The following CTNNA3 variants were observed in gnomAD, a reference collection of about 807,000 sequenced individuals.
CTNNA3 encodes catenin alpha 3, also known as catenin alpha-3.
Under a neutral mutation model 95.7 loss-of-function variants are expected in CTNNA3, and 76 were observed. The ratio of observed to expected loss-of-function variants is 0.79; its 90% CI spans 0.66 to 0.96. CTNNA3 has a LOEUF of 0.96. Ranked by LOEUF, CTNNA3 falls within the 40% of genes least tolerant of loss-of-function variation. The pLI is 0.00. For missense variants in CTNNA3, 1,191 were observed against 1,089.8 expected (o/e 1.09, Z -1.31); for synonymous variants, 431 against 374.4 (o/e 1.15, Z -1.74).
chr10:67,452,158 C>G lies in CTNNA3; in HGVS notation c.579+69684G>C, dbSNP rs145868349. ...AAGCAACACTTTAAAGCATCCAAAGCAAATACAAATTCCAGGGCGTTGTTA... is the reference window on the plus strand; with the variant it reads ...AAGCAACACTTTAAAGCATCCAAAGGAAATACAAATTCCAGGGCGTTGTTA... On this transcript the variant is annotated intron_variant, in intron 5 of 17. Coordinates refer to ENST00000433211, the MANE Select transcript of CTNNA3 (RefSeq NM_013266.4). Among the ~76,000 whole-genome samples, 760 of 151,854 alleles carry G rather than the reference C, an allele frequency of 5.0e-3. 10 individuals are homozygous for G. The highest frequency in any genetic ancestry group is 0.017 in the African/African-American group (720 of 41,428).
intron 7 of CTNNA3, among the ~76,000 whole-genome samples, chr10:66,788,300 C>T (rs1357270398): frequency 1.6e-4 from 25 of 152,122 alleles, no homozygotes; most frequent in Admixed American, 1.4e-3. Flanking sequence ...AACTAAGCCT[C>T]TCTGAGCAGG....
intron 11 of CTNNA3, among the ~76,000 whole-genome samples, chr10:66,456,981 C>A (rs7086879): frequency 0.26 from 40,189 of 151,742 alleles, 5,485 homozygotes; most frequent in South Asian, 0.39. Flanking sequence ...GTAGTCCCAG[C>A]TACTTGGGAG....
At chr10:66,879,888 T>C (rs1564741060) in intron 7 of CTNNA3, among the ~76,000 whole-genome samples, 1 of 152,036 alleles carries the variant, frequency 6.6e-6, no homozygotes, top group Non-Finnish European at 1.5e-5. Context: ...AGCTTAGAAA[T>C]GTAGCCTGGA....
At chr10:66,765,963 A>C (rs1436075948) in intron 9 of CTNNA3, among the ~76,000 whole-genome samples, 1 of 152,212 alleles carries the variant, frequency 6.6e-6, no homozygotes, top group Non-Finnish European at 1.5e-5. Flanking sequence ...TATGTGATAG[A>C]GTATTTGATA....
chr10:67,529,494 G>A (rs1370090652), intron 4 of CTNNA3, among the ~76,000 whole-genome samples: 1 of 130,458 alleles, frequency 7.7e-6, no homozygotes, highest in East Asian at 2.5e-4. Flanking sequence ...GACTGCTGTG[G>A]GGTCGGGGGA....
chr10:66,004,297 C>T (rs1426022731), intron 15 of CTNNA3, among the ~76,000 whole-genome samples: 1 of 152,210 alleles, frequency 6.6e-6, no homozygotes, highest in Admixed American at 6.5e-5. Context: ...TATTCTCTGT[C>T]TACCTGAACC....
At chr10:67,249,410 T>C (rs1866021603) in intron 5 of CTNNA3, among the ~76,000 whole-genome samples, 1 of 152,196 alleles carries the variant, frequency 6.6e-6, no homozygotes, top group Admixed American at 6.5e-5. Flanking sequence ...TTTACATACA[T>C]CACATCCTAT....
chr10:66,696,292 G>T (rs1348611687), intron 9 of CTNNA3, among the ~76,000 whole-genome samples: 2 of 152,122 alleles, frequency 1.3e-5, no homozygotes, highest in African/African-American at 4.8e-5. Flanking sequence ...ATAAAGAGAT[G>T]CTATTTACTT....
intron 9 of CTNNA3, 115 bp from the exon 10 acceptor site, chr10:66,621,899 A>G: frequency 1.8e-6 from 1 of 553,252 alleles, no homozygotes; most frequent in Non-Finnish European, 3.2e-6. Flanking sequence ...GACAAATAAC[A>G]TTCTCAAAAT....
intron 1 of CTNNA3, among the ~76,000 whole-genome samples, chr10:67,744,453 T>G (rs544091751): frequency 1.3e-5 from 2 of 151,348 alleles, no homozygotes; most frequent in Admixed American, 6.6e-5. Context: ...TAGCCATATG[T>G]AGAAAGCTGA....
chr10:66,114,528 T>G (rs1265056339), intron 13 of CTNNA3, among the ~76,000 whole-genome samples: 1 of 151,676 alleles, frequency 6.6e-6, no homozygotes, highest in African/African-American at 2.4e-5. Context: ...ATAGTCTAAT[T>G]ATTTAAAACT....
intron 12 of CTNNA3, among the ~76,000 whole-genome samples, chr10:66,337,689 C>A (rs1254209271): frequency 6.6e-6 from 1 of 152,006 alleles, no homozygotes; most frequent in African/African-American, 2.4e-5. Flanking sequence ...AAACTAAAAC[C>A]CTAATGAGAT....
intron 9 of CTNNA3, among the ~76,000 whole-genome samples, chr10:66,763,798 T>G (rs772958851): frequency 2.6e-5 from 4 of 152,180 alleles, no homozygotes; most frequent in Non-Finnish European, 5.9e-5. Flanking sequence ...AGCCATGTAT[T>G]GATGCACCAG....
At chr10:67,475,806 T>C (rs1002648569) in intron 5 of CTNNA3, among the ~76,000 whole-genome samples, 5 of 152,170 alleles carry the variant, frequency 3.3e-5, no homozygotes, top group Non-Finnish European at 7.4e-5. Flanking sequence ...AAAGCTTCCA[T>C]TGGATTTTCA....
chr10:66,057,218 C>T (rs145589936), intron 15 of CTNNA3, among the ~76,000 whole-genome samples: 2 of 152,266 alleles, frequency 1.3e-5, no homozygotes, highest in East Asian at 3.9e-4. Flanking sequence ...TCTGGATGAG[C>T]AGTCCCTGTA....
chr10:66,106,275 T>G (rs965445628), intron 13 of CTNNA3, among the ~76,000 whole-genome samples: 2 of 151,768 alleles, frequency 1.3e-5, no homozygotes, highest in African/African-American at 4.8e-5. Flanking sequence ...GATCATGCCT[T>G]CTTAAAATTG....
intron 9 of CTNNA3, among the ~76,000 whole-genome samples, chr10:66,667,441 A>G (rs1331993375): frequency 6.6e-6 from 1 of 152,126 alleles, no homozygotes; most frequent in Admixed American, 6.5e-5. Context: ...CAACTTTTCC[A>G]TTTTGTGTTA....
intron 5 of CTNNA3, among the ~76,000 whole-genome samples, chr10:67,471,754 TTAATTATGTA>T (rs1847838856): frequency 6.6e-6 from 1 of 152,214 alleles, no homozygotes; most frequent in Non-Finnish European, 1.5e-5. Flanking sequence ...CATTTTGGCC[TTAATTATGTA>T]TGCTTTTGTC....
At chr10:66,422,597 G>T (rs954066561) in intron 11 of CTNNA3, among the ~76,000 whole-genome samples, 2 of 151,748 alleles carry the variant, frequency 1.3e-5, no homozygotes, top group South Asian at 2.1e-4. Context: ...ACAGTGAATT[G>T]TATCTACCCC....
Sources: gnomAD v4.1 joint callset for allele counts (sites outside exome capture counted in the v4.1 genomes callset) on GRCh38, gnomAD v4.1.1 for gene constraint, MANE v1.5 for transcripts, NCBI Gene and HGNC (gene_info 2026-07-23, HGNC 2026-07-21) for gene names.